Variants in FAM184B observed in about 807,000 individuals in gnomAD.
The protein encoded by FAM184B is protein FAM184B.
FAM184B carries 111 observed loss-of-function variants against 135.9 expected under a neutral mutation model. That is an observed-to-expected ratio of 0.82 (90% CI 0.70 to 0.96). The LOEUF is 0.96. Among genes scored for constraint, FAM184B ranks in the 40% least tolerant of loss-of-function variants. The probability of loss-of-function intolerance (pLI) is 0.00; values close to 1 mark genes in which losing one functional copy is unlikely to be tolerated. For missense variants in FAM184B, 1,375 were observed against 1,323.9 expected (o/e 1.04, Z -0.60); for synonymous variants, 552 against 524.8 (o/e 1.05, Z -0.71).
At chr4:17,720,405 A>T (rs1321688618) in intron 1 of FAM184B, among the ~76,000 whole-genome samples, 1 of 152,182 alleles carries the variant, frequency 6.6e-6, no homozygotes, top group Non-Finnish European at 1.5e-5. Flanking sequence ...GATGCTCAAC[A>T]TCTTTAATCA....
At position 17,778,185 on chromosome 4, in the gene FAM184B, G is replaced by A. The variant is rs146048610; in HGVS notation, c.141+2974C>T. ...AAAATAAACAAAACAAATCTGAAAT[G>A]TTATCAAAGAGAAAAGGCAGCTTAT... On this transcript the variant is annotated intron_variant, in intron 1 of 17. Coordinates refer to ENST00000265018, the MANE Select transcript of FAM184B (RefSeq NM_015688.2). 2.0e-3 allele frequency among the ~76,000 whole-genome samples: 302 copies of A among 152,180 alleles called. 1 individual carries two copies. The highest frequency in any genetic ancestry group is 6.8e-3 in the African/African-American group (282 of 41,506).
Position 17,676,291 on chromosome 4 carries a change from C to T in FAM184B, c.1597-11632G>A, listed in dbSNP as rs1220996470. Among the ~76,000 whole-genome samples, 3 of 152,134 alleles carry T rather than the reference C, an allele frequency of 2.0e-5. No individual in the cohort carries two copies. In the East Asian group the frequency reaches 5.8e-4, roughly 29 times the overall value. ...GACGGGAACAGCTGGTTCTGGAACA[C>T]AACCAGAACACATACAACATTTATT... is the stretch of plus-strand genomic sequence containing the variant. On this transcript the variant is annotated intron_variant, in intron 7 of 17. Coordinates refer to ENST00000265018, the MANE Select transcript of FAM184B (RefSeq NM_015688.2).
Position 17,636,584 on chromosome 4 carries a change from T to C in FAM184B, c.2728A>G (p.Ile910Val). ...TTCAGGCGGGTCTGCAGGCGGCCAATGAGCTGAAGGTCCTCGGGCCTGGAC... is the reference window on the plus strand; with the variant it reads ...TTCAGGCGGGTCTGCAGGCGGCCAACGAGCTGAAGGTCCTCGGGCCTGGAC... Reference protein sequence around the residue: ...GASRPEDLQLIGRLQTRLKER... With the variant: ...GASRPEDLQLVGRLQTRLKER... The change falls in exon 15 of 18, where the codon ATT becomes GTT. Residue 910 changes from isoleucine to valine, a missense_variant. Physicochemically the swap from Ile to Val is conservative, Grantham distance 29 (BLOSUM62 3). Coordinates refer to ENST00000265018, the MANE Select transcript of FAM184B (RefSeq NM_015688.2). 1.3e-6 allele frequency: 2 copies of C among 1,551,050 alleles called. No individual in the cohort carries two copies. Among genetic ancestry groups the C allele is most frequent in the Non-Finnish European group, 1.7e-6 (2 of 1,146,836 alleles).
rs1256896866 is a variant in FAM184B at position 17,748,509 on chromosome 4, T to TG, written c.141+32649_141+32650insC. ...TTACTTTAATCCTCTTGTGTAATTT[T>TG]TTTTTTTTTTTTTTTTTTTTTTTAG... On this transcript the variant is annotated intron_variant, in intron 1 of 17. Transcript: ENST00000265018. Among the ~76,000 whole-genome samples the TG allele has an allele frequency of 4.4e-3, 227 of 52,126 alleles. 2 individuals carry two copies. The highest frequency in any genetic ancestry group is 9.8e-3 in the African/African-American group (214 of 21,846). 34.2% of individuals were successfully genotyped at this position (52,126 alleles called of 152,430 possible).
chr4:17,648,981 A>G (rs1287073182), intron 11 of FAM184B, among the ~76,000 whole-genome samples: 1 of 152,214 alleles, frequency 6.6e-6, no homozygotes, highest in Non-Finnish European at 1.5e-5. Flanking sequence ...TAAAAAAGAT[A>G]CTTTTTAAGT....
chr4:17,636,485 G>T, intron 15 of FAM184B, 43 bp downstream of exon 15: 3 of 1,474,216 alleles, frequency 2.0e-6, no homozygotes, highest in Non-Finnish European at 2.8e-6. Context: ...AGCCCGCAGT[G>T]CCCGGCCAGG....
At chr4:17,758,925 A>G (rs1305812776) in intron 1 of FAM184B, among the ~76,000 whole-genome samples, 4 of 152,054 alleles carry the variant, frequency 2.6e-5, no homozygotes, top group Non-Finnish European at 5.9e-5. Flanking sequence ...GATGATTGGG[A>G]AAGGTGAGGA....
intron 4 of FAM184B, among the ~76,000 whole-genome samples, chr4:17,705,441 A>T (rs1717086731): frequency 6.6e-6 from 1 of 152,254 alleles, no homozygotes; most frequent in Non-Finnish European, 1.5e-5. Context: ...ACTTCAGCCC[A>T]TACTATGGTA....
At position 17,664,752 on chromosome 4, in the gene FAM184B, G is replaced by T. The variant is rs1716006258; in HGVS notation, c.1597-93C>A. ...CAACCTGTGGCTTATTCAAATCAGA[G>T]AGCAGAGAAGAGGGAGCCCCCAGCA... On this transcript the variant is annotated intron_variant, in intron 7 of 17. Coordinates refer to ENST00000265018, the MANE Select transcript of FAM184B (RefSeq NM_015688.2). 9.4e-6 allele frequency: 10 copies of T among 1,062,884 alleles called. No individual in the cohort carries two copies. The Admixed American group carries it at 2.7e-4, about 28-fold the overall frequency. 65.8% of individuals were successfully genotyped at this position (1,062,884 alleles called of 1,614,324 possible).
chr4:17,741,111 G>C (rs1408380639), intron 1 of FAM184B, among the ~76,000 whole-genome samples: 1 of 152,144 alleles, frequency 6.6e-6, no homozygotes, highest in Non-Finnish European at 1.5e-5. Flanking sequence ...TTGGTATTAG[G>C]AATACGATGT....
intron 1 of FAM184B, among the ~76,000 whole-genome samples, chr4:17,741,956 T>G (rs958103024): frequency 6.6e-6 from 1 of 151,976 alleles, no homozygotes; most frequent in Non-Finnish European, 1.5e-5. Flanking sequence ...ACAGTTACAA[T>G]AAGAGTTGCT....
At chr4:17,746,499 G>A (rs1448159171) in intron 1 of FAM184B, among the ~76,000 whole-genome samples, 3 of 151,874 alleles carry the variant, frequency 2.0e-5, no homozygotes, top group Non-Finnish European at 2.9e-5. Context: ...GGGAGGCTGA[G>A]GTGGGTGGAT....
At chr4:17,643,079 CACAT>C (rs749636790) in intron 12 of FAM184B, among the ~76,000 whole-genome samples, 8 of 152,244 alleles carry the variant, frequency 5.3e-5, no homozygotes, top group African/African-American at 1.7e-4. Context: ...TTGGCACTCT[CACAT>C]GCATAGCCTG....
chr4:17,663,833 C>T (rs1476835), intron 8 of FAM184B, among the ~76,000 whole-genome samples: 77,150 of 151,176 alleles, frequency 0.51, 22,403 homozygotes, highest in East Asian at 0.82. Context: ...CCGTTTCCCC[C>T]ATGCTGTTCT....
At chr4:17,658,915 C>T (rs377620029) in intron 9 of FAM184B, among the ~76,000 whole-genome samples, 1 of 152,030 alleles carries the variant, frequency 6.6e-6, no homozygotes, top group Non-Finnish European at 1.5e-5. Flanking sequence ...CCATGTAGTA[C>T]TACCTCCCCC....
chr4:17,657,457 T>G (rs1460993138), intron 10 of FAM184B, among the ~76,000 whole-genome samples: 2 of 152,118 alleles, frequency 1.3e-5, no homozygotes, highest in Admixed American at 6.6e-5. Context: ...GCTCCCTTGT[T>G]TTTGTGGGAC....
chr4:17,643,822 G>A (rs948004603), intron 12 of FAM184B, among the ~76,000 whole-genome samples: 11 of 152,200 alleles, frequency 7.2e-5, no homozygotes, highest in Admixed American at 7.2e-4. Context: ...ACCCTGCTGA[G>A]GGCTGGGAGT....
rs397992408 is a variant in FAM184B at position 17,739,555 on chromosome 4, G to GTTTTTTT, written c.142-29918_142-29912dup. Among the ~76,000 whole-genome samples the GTTTTTTT allele has an allele frequency of 1.1e-4, 7 of 62,466 alleles. 1 individual carries two copies. Among genetic ancestry groups the GTTTTTTT allele is most frequent in the African/African-American group, 3.1e-4 (5 of 16,216 alleles). 41.0% of individuals were successfully genotyped at this position (62,466 alleles called of 152,430 possible). A position where few individuals can be genotyped will look rare whatever the true frequency, so the allele number is the denominator to read the frequency against. On this transcript the variant is annotated intron_variant, in intron 1 of 17. Transcript: ENST00000265018. ...CCCTACACCATATGTCATACCAACT[G>GTTTTTTT]TTTTTTTTTTTTTTTTGAGATGGGG...
chr4:17,658,082 A>C (rs937832558), intron 10 of FAM184B, among the ~76,000 whole-genome samples: 10 of 152,100 alleles, frequency 6.6e-5, no homozygotes, highest in Non-Finnish European at 1.2e-4. Context: ...TTATGCCACC[A>C]AGGTCGCAAG....
Sources: allele counts gnomAD v4.1 joint callset (sites outside exome capture counted in the v4.1 genomes callset), GRCh38; gene constraint gnomAD v4.1.1; transcripts MANE v1.5; gene names NCBI Gene and HGNC (gene_info 2026-07-23, HGNC 2026-07-21).